SRSF2: variants seen among roughly 807,000 people sequenced by gnomAD.
SRSF2 encodes the protein serine and arginine rich splicing factor 2, also known as serine/arginine-rich splicing factor 2.
In SRSF2, 4 loss-of-function variants were observed where a neutral mutation model predicts 15.7. The observed-to-expected ratio is 0.26, with a 90% confidence interval of 0.13 to 0.58. The LOEUF is 0.58. Ranked by LOEUF, SRSF2 falls within the 20% of genes least tolerant of loss-of-function variation. SRSF2 has a pLI of 0.90. For missense variants in SRSF2, 147 were observed against 332.4 expected (o/e 0.44, Z 4.34); for synonymous variants, 192 against 138.9 (o/e 1.38, Z -2.69).
intron 2 of SRSF2, chr17:76,735,573 T>C (rs1254380748): frequency 4.3e-6 from 1 of 231,602 alleles, no homozygotes; most frequent in Non-Finnish European, 8.6e-6. Flanking sequence ...ACCAAACAAT[T>C]TAAGAGTTAA....
At chr17:76,737,333 G>C (rs1007106744), upstream of SRSF2, 2 of 862,402 alleles carry the variant, frequency 2.3e-6, no homozygotes, top group African/African-American at 1.7e-5. Flanking sequence ...GTAACAACTG[G>C]GCGGGCAGCC....
rs1598428393 is a variant in SRSF2, at chr17:76,736,259, T to C, written c.568A>G (p.Arg190Gly). ...RSRSRSRSRS[R>G]SPPPVSKRES... The stretch of plus-strand genomic sequence containing the variant: ...CTCTTGGACACTGGGGGAGGACTCC[T>C]GGACCGAGACCGGGACCTGGACCGC... The change falls in exon 2 of 3, where the codon AGG (arginine) becomes GGG (glycine). Residue 190 changes from arginine to glycine, a missense_variant. Physicochemically the swap from Arg to Gly is moderately radical, Grantham distance 125. Transcript: ENST00000359995. 1 of 1,614,050 alleles carries C rather than the reference T, an allele frequency of 6.2e-7. No individual in the cohort carries two copies. The highest frequency in any genetic ancestry group is 1.7e-5 in the Admixed American group (1 of 60,004).
At chr17:76,735,479 TTG>T in intron 2 of SRSF2, 1 of 227,988 alleles carries the variant, frequency 4.4e-6, no homozygotes, top group Non-Finnish European at 8.7e-6. Flanking sequence ...TTAAGATAAA[TTG>T]TTTCAAATGA....
At position 76,734,337 on chromosome 17, in the gene SRSF2, A is replaced by T. The variant is rs1804420; in HGVS notation, c.*829T>A. The T allele has an allele frequency of 1.0e-4, 25 of 239,114 alleles. 1 individual carries two copies. Among genetic ancestry groups the T allele is most frequent in the African/African-American group, 5.1e-4 (23 of 45,158 alleles). The allele number at this position is 239,114 out of a possible 1,614,324, so 14.8% of individuals were successfully genotyped here. On this transcript the variant is annotated 3_prime_UTR_variant, in exon 3 of 3. Transcript: ENST00000359995. Reference sequence around the variant, plus strand: ...GGGAAAAAAAGGTGTATTTATCATCAGCTAGATGTGCTCACTGTATGCTCC... The same window carrying T: ...GGGAAAAAAAGGTGTATTTATCATCTGCTAGATGTGCTCACTGTATGCTCC...
Position 76,734,742 on chromosome 17 carries a change from T to A in SRSF2, c.*424A>T, listed in dbSNP as rs2077384392. On this transcript the variant is annotated 3_prime_UTR_variant, in exon 3 of 3. Coordinates refer to ENST00000359995, the MANE Select transcript of SRSF2 (RefSeq NM_001195427.2). The stretch of plus-strand genomic sequence containing the variant: ...ACCAACTTTTGTAGGTTTTTAATTT[T>A]AAGGAATGAAGGCAATGCTGAGTCA... 4.2e-6 allele frequency: 1 copy of A among 237,556 alleles called. No homozygotes were observed. The highest frequency in any genetic ancestry group is 2.2e-5 in the African/African-American group (1 of 44,760). 14.7% of individuals were successfully genotyped at this position (237,556 alleles called of 1,614,324 possible).
rs2077536958 is a variant in SRSF2, at chr17:76,737,011, G to A, written c.150C>T (p.Tyr50=). The stretch of plus-strand genomic sequence containing the variant: ...AGGCGAAGCCGCGGGACTCCTTGGT[G>A]TAGCGGTCCCGCGGGATGTACACGT... ...VGDVYIPRDR[Y]TKESRGFAFV... The change falls in exon 1 of 3, where the codon TAC becomes TAT. Residue 50 remains tyrosine (Y), a synonymous_variant. Transcript: ENST00000359995. 4 of 1,613,482 alleles carry A rather than the reference G, an allele frequency of 2.5e-6. No individual in the cohort carries two copies. The highest frequency in any genetic ancestry group is 4.5e-5 in the East Asian group (2 of 44,866).
In SRSF2 at chr17:76,734,499, C is replaced by T; in HGVS notation, c.*667G>A. The T allele has an allele frequency of 4.2e-6, 1 of 237,352 alleles. No individual in the cohort carries two copies. Among genetic ancestry groups the T allele is most frequent in the East Asian group, 6.2e-5 (1 of 16,242 alleles). 14.7% of individuals were successfully genotyped at this position (237,352 alleles called of 1,614,324 possible). On this transcript the variant is annotated 3_prime_UTR_variant, in exon 3 of 3. Transcript: ENST00000359995. ...GGAGAAAACAGGAAACAGCCAAGCA[C>T]TCTGCACTGCAACACGCCACCTTAA...
rs2143923901 is a variant in SRSF2, at chr17:76,736,243, A to T, written c.584T>A (p.Val195Glu). 6.2e-7 allele frequency: 1 copy of T among 1,614,090 alleles called. No individual in the cohort carries two copies. Among genetic ancestry groups the T allele is most frequent in the Middle Eastern group, 1.6e-4 (1 of 6,062 alleles). Residue 195 changes from valine to glutamate, a missense_variant, in exon 2 of 3, where the codon GTG becomes GAG. By Grantham distance (121) the Val-to-Glu change is moderately radical. Around this residue, in one of 2 missense-constraint regions of SRSF2, gnomAD observed 125 missense variants for 185.1 expected, o/e 0.68. Coordinates refer to ENST00000359995, the MANE Select transcript of SRSF2 (RefSeq NM_001195427.2). ...CCTGGATTTGGATTCCCTCTTGGAC[A>T]CTGGGGGAGGACTCCTGGACCGAGA... Reference protein sequence around the residue: ...SRSRSRSPPPVSKRESKSRSR... With the variant: ...SRSRSRSPPPESKRESKSRSR...
intron 2 of SRSF2, chr17:76,735,727 T>G (rs1348602210): frequency 3.1e-6 from 1 of 321,840 alleles, no homozygotes; most frequent in Admixed American, 4.9e-5. Flanking sequence ...TTGAACTGAT[T>G]GTTTCTCTAA....
Position 76,734,451 on chromosome 17 carries a change from G to A in SRSF2, c.*715C>T, listed in dbSNP as rs533202486. ...CAGCCATTTGTTTCTGCACGACAAG[G>A]CATCTTTACACAGGAGCAATCGGGA... On this transcript the variant is annotated 3_prime_UTR_variant, in exon 3 of 3. Coordinates refer to ENST00000359995, the MANE Select transcript of SRSF2 (RefSeq NM_001195427.2). 3 of 242,744 alleles carry A rather than the reference G, an allele frequency of 1.2e-5. No homozygotes were observed. Among genetic ancestry groups the A allele is most frequent in the South Asian group, 1.8e-4 (1 of 5,502 alleles). The allele number at this position is 242,744 out of a possible 1,614,324, so 15.0% of individuals were successfully genotyped here.
chr17:76,736,127 T>A, intron 2 of SRSF2, 27 bp downstream of exon 2: 1 of 1,559,352 alleles, frequency 6.4e-7, no homozygotes, highest in Non-Finnish European at 8.7e-7. Context: ...GAATTAGGGT[T>A]ATGTGTCTCG....
rs2077443828 is a variant in SRSF2, at chr17:76,736,005, C to A, written c.*7+149G>T. ...TCATACACATCCTTTCTGCAGACCC[C>A]TCTCTTCAGTATTACTCCCAAAGGT... is the stretch of plus-strand genomic sequence containing the variant. On this transcript the variant is annotated intron_variant, in intron 2 of 2. Coordinates refer to ENST00000359995, the MANE Select transcript of SRSF2 (RefSeq NM_001195427.2). The A allele has an allele frequency of 1.2e-5, 9 of 756,898 alleles. No individual in the cohort carries two copies. In the South Asian group the frequency reaches 1.6e-4, roughly 14 times the overall value. 46.9% of individuals were successfully genotyped at this position (756,898 alleles called of 1,614,324 possible).
At chr17:76,735,924 T>A in intron 2 of SRSF2, 1 of 616,586 alleles carries the variant, frequency 1.6e-6, no homozygotes, top group Non-Finnish European at 2.9e-6. Context: ...CAAGAAATAG[T>A]CATTTTCATT....
At chr17:76,737,378 A>C, upstream of SRSF2, 2 of 512,506 alleles carry the variant, frequency 3.9e-6, no homozygotes, top group East Asian at 3.3e-5. Context: ...TCCTCACAAA[A>C]TGGCGCCCGC....
At position 76,734,942 on chromosome 17, in the gene SRSF2, T is replaced by TCA. The variant is rs2077390389; in HGVS notation, c.*222_*223dup. 4.3e-6 allele frequency: 1 copy of TCA among 230,770 alleles called. No homozygotes were observed. Among genetic ancestry groups the TCA allele is most frequent in the African/African-American group, 2.2e-5 (1 of 44,806 alleles). The allele number at this position is 230,770 out of a possible 1,614,324, so 14.3% of individuals were successfully genotyped here. A position where few individuals can be genotyped will look rare whatever the true frequency, so the allele number is the denominator to read the frequency against. ...ATCCAATAATGAAATCTGAAGTCGT[T>TCA]CACCTCACTAAATTACAAGAAATTT... On this transcript the variant is annotated 3_prime_UTR_variant, in exon 3 of 3. Transcript: ENST00000359995.
chr17:76,736,750 C>T (rs998771977), intron 1 of SRSF2, 49 bp downstream of exon 1: 16 of 1,395,284 alleles, frequency 1.1e-5, no homozygotes, highest in Non-Finnish European at 9.2e-7. Flanking sequence ...TCGCCCGGGC[C>T]TCCCGCGCGC....
intron 2 of SRSF2, 78 bp downstream of exon 2, chr17:76,736,076 A>G (rs1395993083): frequency 1.4e-6 from 2 of 1,409,702 alleles, no homozygotes; most frequent in East Asian, 2.3e-5. Flanking sequence ...TCATTCTTAC[A>G]TTAACACGAC....
chr17:76,737,238 C>A lies in SRSF2; in HGVS notation c.-78G>T. The A allele has an allele frequency of 1.4e-6, 2 of 1,457,362 alleles. No homozygotes were observed. The highest frequency in any genetic ancestry group is 1.8e-6 in the Non-Finnish European group (2 of 1,099,544). 90.3% of individuals were successfully genotyped at this position (1,457,362 alleles called of 1,614,324 possible). A position where few individuals can be genotyped will look rare whatever the true frequency, so the allele number is the denominator to read the frequency against. On this transcript the variant is annotated 5_prime_UTR_variant, in exon 1 of 3. Coordinates refer to ENST00000359995, the MANE Select transcript of SRSF2 (RefSeq NM_001195427.2). ...CTGGGCGGTGCGACGCCGCGCCTCT[C>A]AGGCAGTTGCCTTCCGCGTGGGGAC... is the stretch of plus-strand genomic sequence containing the variant.
At position 76,736,842 on chromosome 17, in the gene SRSF2, G is replaced by A; in HGVS notation, c.319C>T (p.Pro107Ser). 1 of 1,605,024 alleles carries A rather than the reference G, an allele frequency of 6.2e-7. No homozygotes were observed. The highest frequency in any genetic ancestry group is 8.5e-7 in the Non-Finnish European group (1 of 1,176,366). ...DSHHSRRGPP[P>S]RRYGGGGYGR... Reference sequence around the variant, plus strand: ...TAGCCACCGCCCCCGTACCTGCGGGGTGGCGGTCCCCGGCGGCTGTGGTGT... The same window carrying A: ...TAGCCACCGCCCCCGTACCTGCGGGATGGCGGTCCCCGGCGGCTGTGGTGT... Residue 107 changes from proline to serine, a missense_variant, in exon 1 of 3, where the codon CCC becomes TCC. Physicochemically the swap from Pro to Ser is moderately conservative, Grantham distance 74. Coordinates refer to ENST00000359995, the MANE Select transcript of SRSF2 (RefSeq NM_001195427.2).
Sources: allele counts gnomAD v4.1 joint callset, GRCh38; gene constraint gnomAD v4.1.1; regional missense constraint gnomAD v4.1.1; transcripts MANE v1.5; gene names NCBI Gene and HGNC (gene_info 2026-07-23, HGNC 2026-07-21).